CHST8: variants seen among roughly 807,000 people sequenced by gnomAD.
The protein encoded by CHST8 is GALNAC-4-ST1.
In CHST8, 10 loss-of-function variants were observed where a neutral mutation model predicts 15.0. That is an observed-to-expected ratio of 0.67 (90% CI 0.41 to 1.13). The LOEUF (loss-of-function observed/expected upper bound fraction) is 1.13, where lower values mean the gene tolerates loss of function less well. Ranked by LOEUF, CHST8 falls within the 50% of genes most tolerant of loss-of-function variation. The pLI, the probability that CHST8 is intolerant of heterozygous loss-of-function variation, is 0.00. For missense variants in CHST8, 634 were observed against 608.2 expected (o/e 1.04, Z -0.45); for synonymous variants, 259 against 256.6 (o/e 1.01, Z -0.09).
intron 2 of CHST8, among the ~76,000 whole-genome samples, chr19:33,683,451 G>A (rs866314444): frequency 6.6e-6 from 1 of 152,172 alleles, no homozygotes; most frequent in Non-Finnish European, 1.5e-5. Flanking sequence ...GGTATTTCAA[G>A]CTTTAAGGCT....
intron 3 of CHST8, among the ~76,000 whole-genome samples, chr19:33,700,124 C>G (rs1386120337): frequency 3.6e-4 from 55 of 152,194 alleles, no homozygotes; most frequent in Admixed American, 3.5e-3. Context: ...ACCTGCCCCT[C>G]CAGTTTCCAT....
intron 3 of CHST8, among the ~76,000 whole-genome samples, chr19:33,720,873 C>T (rs567183464): frequency 2.6e-5 from 4 of 152,362 alleles, no homozygotes; most frequent in East Asian, 1.9e-4. Context: ...GTGAGGGCCA[C>T]GTCCATCATT....
At chr19:33,729,360 G>A (rs925070718) in intron 3 of CHST8, among the ~76,000 whole-genome samples, 1 of 152,244 alleles carries the variant, frequency 6.6e-6, no homozygotes, top group Non-Finnish European at 1.5e-5. Context: ...CCGTAGCACA[G>A]TTCATGGCAT....
chr19:33,630,548 C>T (rs370543625), intron 1 of CHST8, among the ~76,000 whole-genome samples: 2 of 151,226 alleles, frequency 1.3e-5, no homozygotes, highest in Admixed American at 6.6e-5. Context: ...GGGGCCAGTG[C>T]GTGGGGAAGG....
At chr19:33,719,245 G>C (rs1410793076) in intron 3 of CHST8, among the ~76,000 whole-genome samples, 1 of 152,126 alleles carries the variant, frequency 6.6e-6, no homozygotes, top group African/African-American at 2.4e-5. Flanking sequence ...CTGTCAGCCG[G>C]GGGTGGGCCG....
At chr19:33,706,360 G>C (rs1175706631) in intron 3 of CHST8, among the ~76,000 whole-genome samples, 2 of 152,178 alleles carry the variant, frequency 1.3e-5, no homozygotes, top group African/African-American at 4.8e-5. Context: ...ATGTGTGTGT[G>C]CATCTGGCCC....
At chr19:33,656,048 T>C (rs1021057790) in intron 1 of CHST8, among the ~76,000 whole-genome samples, 2 of 152,172 alleles carry the variant, frequency 1.3e-5, no homozygotes, top group African/African-American at 2.4e-5. Context: ...CCACATTCCG[T>C]AAGTTTTGGT....
At chr19:33,693,747 G>C (rs1051653626) in intron 3 of CHST8, among the ~76,000 whole-genome samples, 5 of 152,042 alleles carry the variant, frequency 3.3e-5, no homozygotes, top group Non-Finnish European at 7.4e-5. Flanking sequence ...TACAGGTTTG[G>C]ATTGGTTTTT....
chr19:33,772,491 C>A lies in CHST8; in HGVS notation c.703C>A (p.Arg235Ser), dbSNP rs752320433. 3.1e-6 allele frequency: 5 copies of A among 1,613,598 alleles called. No individual in the cohort carries two copies. Among genetic ancestry groups the A allele is most frequent in the Middle Eastern group, 3.3e-4 (2 of 6,084 alleles). The change falls in exon 5 of 5, where the codon CGC becomes AGC. Residue 235 changes from arginine to serine, a missense_variant. Arg to Ser is a moderately radical substitution (Grantham distance 110). Coordinates refer to ENST00000650847, the MANE Select transcript of CHST8 (RefSeq NM_001127895.2). ...CGTCCACTATGGCAGCGCTCTCAAGCGCCTGGACACCTTCGACCGCCAGGG... is the reference window on the plus strand; with the variant it reads ...CGTCCACTATGGCAGCGCTCTCAAGAGCCTGGACACCTTCGACCGCCAGGG... The part of the protein sequence containing the change: ...NTVHYGSALK[R>S]LDTFDRQGIL...
intron 3 of CHST8, among the ~76,000 whole-genome samples, chr19:33,735,902 T>G (rs1425012724): frequency 6.6e-6 from 1 of 152,232 alleles, no homozygotes; most frequent in Non-Finnish European, 1.5e-5. Flanking sequence ...AAATGGAGTG[T>G]GCCTCCTCTC....
chr19:33,669,534 CT>C (rs1342624532), intron 2 of CHST8, among the ~76,000 whole-genome samples: 1 of 152,192 alleles, frequency 6.6e-6, no homozygotes, highest in Non-Finnish European at 1.5e-5. Flanking sequence ...CCATTCTCTG[CT>C]TCACATGAGA....
intron 3 of CHST8, among the ~76,000 whole-genome samples, chr19:33,756,514 C>T (rs1340180301): frequency 6.6e-6 from 1 of 152,182 alleles, no homozygotes; most frequent in Admixed American, 6.5e-5. Flanking sequence ...AAGGGCTCCT[C>T]CATTCCCTGA....
chr19:33,684,104 C>T (rs1024210483), intron 2 of CHST8, among the ~76,000 whole-genome samples: 2 of 152,186 alleles, frequency 1.3e-5, no homozygotes, highest in African/African-American at 4.8e-5. Flanking sequence ...TTGCAGGCGC[C>T]CCTCAGACTC....
chr19:33,722,360 TGGACGGAC>T (rs1188467894), intron 3 of CHST8, among the ~76,000 whole-genome samples: 2 of 152,124 alleles, frequency 1.3e-5, no homozygotes, highest in Admixed American at 1.3e-4. Flanking sequence ...GACTGATGGA[TGGACGGAC>T]GGACAGACGG....
At chr19:33,643,613 C>T (rs1972312421) in intron 1 of CHST8, among the ~76,000 whole-genome samples, 1 of 152,210 alleles carries the variant, frequency 6.6e-6, no homozygotes, top group Non-Finnish European at 1.5e-5. Context: ...GCCACCTTGA[C>T]CATTTGCTTA....
intron 3 of CHST8, among the ~76,000 whole-genome samples, chr19:33,693,169 G>T (rs1973131998): frequency 6.6e-6 from 1 of 151,832 alleles, no homozygotes; most frequent in African/African-American, 2.4e-5. Flanking sequence ...ACCACCCCTG[G>T]CTAATTTTGT....
intron 3 of CHST8, among the ~76,000 whole-genome samples, chr19:33,697,256 G>GTC (rs929883059): frequency 1.3e-5 from 2 of 152,004 alleles, no homozygotes; most frequent in African/African-American, 4.8e-5. Context: ...TTGAGATAGA[G>GTC]TCTCACTCTG....
chr19:33,667,275 G>C (rs1972676126), intron 1 of CHST8, among the ~76,000 whole-genome samples: 1 of 152,196 alleles, frequency 6.6e-6, no homozygotes, highest in Non-Finnish European at 1.5e-5. Flanking sequence ...GAAGGGAAGT[G>C]GGAGAAATAA....
intron 1 of CHST8, among the ~76,000 whole-genome samples, chr19:33,626,776 T>C (rs922489924): frequency 2.4e-5 from 3 of 126,782 alleles, no homozygotes; most frequent in African/African-American, 8.9e-5. Flanking sequence ...AAGCCGCTTT[T>C]TTTTTCCTTT....
Sources: gnomAD v4.1 joint callset for allele counts (sites outside exome capture counted in the v4.1 genomes callset) on GRCh38, gnomAD v4.1.1 for gene constraint, MANE v1.5 for transcripts, NCBI Gene and HGNC (gene_info 2026-07-23, HGNC 2026-07-21) for gene names.